The following C5 variants were observed in gnomAD, a reference collection of about 807,000 sequenced individuals.
C5 encodes the protein complement C5, also known as C3 and PZP-like alpha-2-macroglobulin domain-containing protein 4.
C5 carries 140 observed loss-of-function variants against 218.8 expected under a neutral mutation model. The observed-to-expected ratio is 0.64, with a 90% CI of 0.56 to 0.74. The LOEUF (loss-of-function observed/expected upper bound fraction) is 0.74. Ranked by LOEUF, C5 falls within the 30% of genes least tolerant of loss-of-function variation. The pLI is 0.00. For synonymous variants in C5, 614 were observed against 682.3 expected (o/e 0.90, Z 1.56); for missense variants, 1,700 against 1,969.6 (o/e 0.86, Z 2.59).
intron 9 of C5, 78 bp from the exon 10 acceptor site, chr9:121,023,597 T>C: frequency 1.2e-6 from 1 of 822,958 alleles, no homozygotes; most frequent in Non-Finnish European, 2.2e-6. Flanking sequence ...CATCTCTATA[T>C]GTCTCCACAG....
chr9:120,983,412 T>A lies in C5; in HGVS notation c.3231-598A>T, dbSNP rs41311899. ...AGAGAGGATTGGGTTCATCCCCCCA[T>A]AACATCTCTTCACTCTCTCAGTCGC... On this transcript the variant is annotated intron_variant, in intron 25 of 40. Transcript: ENST00000223642. 7.1e-3 allele frequency among the ~76,000 whole-genome samples: 1,079 copies of A among 152,256 alleles called. 12 individuals carry two copies. Among genetic ancestry groups the A allele is most frequent in the African/African-American group, 0.025 (1,020 of 41,534 alleles).
intron 28 of C5, among the ~76,000 whole-genome samples, chr9:120,977,242 C>G (rs2046960311): frequency 1.3e-5 from 2 of 152,048 alleles, no homozygotes; most frequent in South Asian, 2.1e-4. Context: ...TTGTTTCATG[C>G]ACAAAATTAT....
chr9:121,052,453 GAAAA>G (rs1192286050), upstream of C5, among the ~76,000 whole-genome samples: 1 of 63,258 alleles, frequency 1.6e-5, no homozygotes, highest in Non-Finnish European at 3.1e-5. Context: ...CTCCATCTCA[GAAAA>G]AAAAAAAAAA....
chr9:120,982,864 T>G, intron 25 of C5, 50 bp from the exon 26 acceptor site: 1 of 1,017,968 alleles, frequency 9.8e-7, no homozygotes. Context: ...GAATCCCTTT[T>G]GACTTTCAAT....
intron 8 of C5, 57 bp from the exon 9 acceptor site, chr9:121,025,637 T>A: frequency 6.4e-7 from 1 of 1,554,252 alleles, no homozygotes; most frequent in Non-Finnish European, 8.8e-7. Flanking sequence ...TAAGGAAAAA[T>A]TAATAAAATC....
chr9:120,967,723 C>A (rs10985110), intron 33 of C5, among the ~76,000 whole-genome samples: 12,120 of 145,298 alleles, frequency 0.083, 1,094 homozygotes, highest in African/African-American at 0.22. Context: ...TTTTCTTTTT[C>A]TTTTTTTTTT....
At chr9:120,967,496 A>G (rs571956891) in intron 33 of C5, among the ~76,000 whole-genome samples, 8 of 152,264 alleles carry the variant, frequency 5.3e-5, no homozygotes, top group African/African-American at 1.7e-4. Flanking sequence ...CACTGGGTGC[A>G]TGATTATAAG....
intron 3 of C5, among the ~76,000 whole-genome samples, chr9:121,040,887 A>G (rs1391996243): frequency 1.3e-5 from 2 of 151,852 alleles, no homozygotes; most frequent in African/African-American, 2.4e-5. Context: ...TTTATAGCAA[A>G]CTTCTCTCAT....
At chr9:121,030,883 G>A (rs1386544409) in intron 6 of C5, among the ~76,000 whole-genome samples, 4 of 152,170 alleles carry the variant, frequency 2.6e-5, no homozygotes, top group Admixed American at 1.3e-4. Context: ...ACATCAGTTA[G>A]GAGGCTTTTG....
At position 120,957,255 on chromosome 9, in the gene C5, G is replaced by T. The variant is rs533584281; in HGVS notation, c.4762+30C>A. ...AGTCAGTACTAAATAGTTGCTGAAT[G>T]AAGGAACGAATGAACGAATGAATTC... is the stretch of plus-strand genomic sequence containing the variant. On this transcript the variant is annotated intron_variant, in intron 39 of 40. Transcript: ENST00000223642. The T allele has an allele frequency of 5.5e-6, 8 of 1,464,294 alleles. No homozygotes were observed. In the African/African-American group the frequency reaches 9.7e-5, roughly 18 times the overall value. 90.7% of individuals were successfully genotyped at this position (1,464,294 alleles called of 1,614,324 possible).
At chr9:121,058,734 C>T in the C5 span, among the ~76,000 whole-genome samples, 57 of 152,148 alleles carry the variant, frequency 3.7e-4, no homozygotes, top group African/African-American at 1.3e-3. Context: ...CCACCATGCC[C>T]GGCCTTTTTT....
At chr9:121,032,089 A>C (rs966613815) in intron 6 of C5, 24 bp downstream of exon 6, 1 of 1,469,252 alleles carries the variant, frequency 6.8e-7, no homozygotes, top group Non-Finnish European at 9.5e-7. Context: ...AAGCAAAGAA[A>C]AACTTTTACT....
At chr9:121,054,133 C>A (rs1267013573), upstream of C5, among the ~76,000 whole-genome samples, 4 of 151,976 alleles carry the variant, frequency 2.6e-5, no homozygotes, top group Non-Finnish European at 4.4e-5. Flanking sequence ...TGTTATACCC[C>A]CTCCCTTTGG....
chr9:121,044,125 C>T (rs951809186), intron 2 of C5, among the ~76,000 whole-genome samples: 1 of 152,168 alleles, frequency 6.6e-6, no homozygotes, highest in African/African-American at 2.4e-5. Flanking sequence ...AAATATTCTG[C>T]ACCCAGATTG....
At position 120,969,104 on chromosome 9, in the gene C5, C is replaced by G; in HGVS notation, c.4177G>C (p.Gly1393Arg). Residue 1393 changes from glycine (G) to arginine (R), a missense_variant, in exon 33 of 41, where the codon GGC becomes CGC. Gly to Arg is a moderately radical substitution (Grantham distance 125). Coordinates refer to ENST00000223642, the MANE Select transcript of C5 (RefSeq NM_001735.3). The stretch of plus-strand genomic sequence containing the variant: ...CGTTTGTAATCAGAGTTTCCGTAGC[C>G]TCTGTAGTGGGATGCTGGCACATAA... Reference protein sequence around the residue: ...TQDIEASHYRGYGNSDYKRIV... With the variant: ...TQDIEASHYRRYGNSDYKRIV... The G allele has an allele frequency of 6.2e-7, 1 of 1,613,976 alleles. No individual in the cohort carries two copies. The highest frequency in any genetic ancestry group is 8.5e-7 in the Non-Finnish European group (1 of 1,179,872).
chr9:121,042,412 C>T, intron 3 of C5, among the ~76,000 whole-genome samples: 1 of 152,144 alleles, frequency 6.6e-6, no homozygotes, highest in East Asian at 1.9e-4. Context: ...AAATTAATAT[C>T]CATATATTTC....
chr9:121,005,708 G>C (rs1277444334), intron 20 of C5, among the ~76,000 whole-genome samples: 1 of 152,160 alleles, frequency 6.6e-6, no homozygotes, highest in Non-Finnish European at 1.5e-5. Flanking sequence ...TTCAATTGAA[G>C]TTACATGAAT....
Position 121,037,932 on chromosome 9 carries a change from C to T in C5, c.441G>A (p.Ser147=), listed in dbSNP as rs376535022. The T allele has an allele frequency of 5.6e-5, 85 of 1,516,510 alleles. 1 individual carries two copies. Among genetic ancestry groups the T allele is most frequent in the South Asian group, 3.3e-4 (27 of 82,588 alleles). The allele number at this position is 1,516,510 out of a possible 1,614,324, so 93.9% of individuals were successfully genotyped here. ...PDQSVKVRVY[S]LNDDLKPAKR... is the part of the protein sequence containing the mutation. The stretch of plus-strand genomic sequence containing the variant: ...TGGCTGGCTTCAAGTCGTCATTCAA[C>T]GAATAAACTCTAACTTTTACTGTAA... The change falls in exon 4 of 41, where the codon TCG becomes TCA. Residue 147 remains serine (S), a synonymous_variant. Coordinates refer to ENST00000223642, the MANE Select transcript of C5 (RefSeq NM_001735.3).
chr9:121,058,923 A>G, the C5 span, among the ~76,000 whole-genome samples: 1 of 152,214 alleles, frequency 6.6e-6, no homozygotes, highest in African/African-American at 2.4e-5. Flanking sequence ...CCCTTCCTCA[A>G]TAGAGCTGGA....
Sources: allele counts gnomAD v4.1 joint callset (sites outside exome capture counted in the v4.1 genomes callset), GRCh38; gene constraint gnomAD v4.1.1; transcripts MANE v1.5; gene names NCBI Gene and HGNC (gene_info 2026-07-23, HGNC 2026-07-21).